The following CACNA1C variants were observed in gnomAD, a reference collection of about 807,000 sequenced individuals.
CACNA1C encodes the protein calcium voltage-gated channel subunit alpha1 C.
CACNA1C carries 30 observed loss-of-function variants against 229.0 expected under a neutral mutation model. That is an observed-to-expected ratio of 0.13 (90% CI 0.10 to 0.18). The LOEUF (loss-of-function observed/expected upper bound fraction) is 0.18, where lower values mean the gene tolerates loss of function less well. Among genes scored for constraint, CACNA1C ranks in the 10% least tolerant of loss-of-function variants. CACNA1C has a pLI of 1.00. For missense variants in CACNA1C, 1,658 were observed against 2,845.0 expected (o/e 0.58, Z 9.49); for synonymous variants, 1,114 against 1,132.5 (o/e 0.98, Z 0.33).
In CACNA1C at chr12:2,608,379, C is replaced by T. The variant is rs1409991963; in HGVS notation, c.3357-132C>T. The T allele has an allele frequency of 6.4e-6, 4 of 623,944 alleles. No individual in the cohort carries two copies. Among genetic ancestry groups the T allele is most frequent in the East Asian group, 2.8e-5 (1 of 36,304 alleles). 38.7% of individuals were successfully genotyped at this position (623,944 alleles called of 1,614,324 possible). ...CAAGGTCACACAGCCAGTAAGAGGC[C>T]GAGCTGGGACTCCAGCCCAGAGCTG... On this transcript the variant is annotated intron_variant, in intron 26 of 46. Transcript: ENST00000399655. This position sits in a 1 kb window ranked among gnomAD's most constrained non-coding sequence, Gnocchi z 4.2.
At chr12:2,005,039 A>G (rs1362124698) in intron 1 of CACNA1C, among the ~76,000 whole-genome samples, 1 of 152,056 alleles carries the variant, frequency 6.6e-6, no homozygotes, top group Non-Finnish European at 1.5e-5. Context: ...CGTTTTGCAG[A>G]CAATGGTGGT....
intron 22 of CACNA1C, among the ~76,000 whole-genome samples, chr12:2,604,330 C>T (rs774232105): frequency 2.0e-5 from 3 of 152,056 alleles, no homozygotes; most frequent in East Asian, 3.9e-4. Context: ...CTTCTAAGGC[C>T]GTCGTTTCGG....
rs1341080033 is a variant in CACNA1C, at chr12:2,666,375, G to A, written c.4527-311G>A. On this transcript the variant is annotated intron_variant, in intron 36 of 46. Transcript: ENST00000399655. This position sits in a 1 kb window ranked among gnomAD's most constrained non-coding sequence, Gnocchi z 5.3. ...GCTGACCCTCAGTAAATACCTTTTG[G>A]TCAGAAGGTTAGTTCATTCAATCAG... 1.3e-5 allele frequency among the ~76,000 whole-genome samples: 2 copies of A among 152,136 alleles called. No individual in the cohort carries two copies. The highest frequency in any genetic ancestry group is 2.1e-4 in the South Asian group (1 of 4,826).
intron 3 of CACNA1C, among the ~76,000 whole-genome samples, chr12:2,210,334 G>A (rs752407663): frequency 9.2e-5 from 14 of 152,350 alleles, no homozygotes; most frequent in South Asian, 2.1e-4. Flanking sequence ...AGTTGAGGAA[G>A]GGGTAGGCTG....
intron 1 of CACNA1C, among the ~76,000 whole-genome samples, chr12:2,101,630 G>T (rs538287611): frequency 2.0e-5 from 3 of 152,168 alleles, no homozygotes; most frequent in African/African-American, 4.8e-5. Context: ...GACCCACGAG[G>T]CTGGGTGTTC....
chr12:2,244,768 G>A (rs978664683), intron 3 of CACNA1C, among the ~76,000 whole-genome samples: 3 of 152,198 alleles, frequency 2.0e-5, no homozygotes, highest in African/African-American at 7.2e-5. Flanking sequence ...ATTGGTTAAT[G>A]CTGATAAAGC....
chr12:2,430,457 A>G (rs909946630), intron 3 of CACNA1C, among the ~76,000 whole-genome samples: 2 of 152,146 alleles, frequency 1.3e-5, no homozygotes, highest in South Asian at 2.1e-4. Context: ...ATGGTCCAGT[A>G]TATTCTTTTA....
At chr12:1,984,519 T>G (rs1473607404) in intron 1 of CACNA1C, among the ~76,000 whole-genome samples, 1 of 152,122 alleles carries the variant, frequency 6.6e-6, no homozygotes, top group African/African-American at 2.4e-5. Flanking sequence ...TTACCCTCTC[T>G]TTTTATGTTA....
At chr12:2,291,687 T>C (rs1212024906) in intron 3 of CACNA1C, among the ~76,000 whole-genome samples, 1 of 152,192 alleles carries the variant, frequency 6.6e-6, no homozygotes, top group Non-Finnish European at 1.5e-5. Context: ...TGGAAGTGCC[T>C]GTTCTGGGTA....
At chr12:2,204,325 T>G (rs978597827) in intron 3 of CACNA1C, among the ~76,000 whole-genome samples, 2 of 152,150 alleles carry the variant, frequency 1.3e-5, no homozygotes, top group Non-Finnish European at 2.9e-5. Context: ...TAAATTTGTT[T>G]GAGTTCATTG....
chr12:2,076,096 G>A (rs2063085227), intron 1 of CACNA1C, among the ~76,000 whole-genome samples: 1 of 152,100 alleles, frequency 6.6e-6, no homozygotes, highest in South Asian at 2.1e-4. Context: ...TGGAATTGTC[G>A]CTGTCTGCAC....
chr12:2,578,811 G>A (rs1474609309), intron 13 of CACNA1C, among the ~76,000 whole-genome samples: 1 of 152,172 alleles, frequency 6.6e-6, no homozygotes, highest in Non-Finnish European at 1.5e-5. Flanking sequence ...GGGAGGCAGG[G>A]GCGGCAGGGA....
chr12:2,247,426 T>A (rs1393849548), intron 3 of CACNA1C, among the ~76,000 whole-genome samples: 1 of 152,228 alleles, frequency 6.6e-6, no homozygotes, highest in Non-Finnish European at 1.5e-5. Flanking sequence ...AAATGAGATA[T>A]AACCTTCGTG....
intron 3 of CACNA1C, among the ~76,000 whole-genome samples, chr12:2,441,943 A>C (rs2099232257): frequency 6.6e-6 from 1 of 152,140 alleles, no homozygotes. Flanking sequence ...TCTTGCCTGC[A>C]CCTGTCCCGA....
At chr12:2,015,289 A>G (rs1593709893) in intron 1 of CACNA1C, among the ~76,000 whole-genome samples, 1 of 152,234 alleles carries the variant, frequency 6.6e-6, no homozygotes, top group East Asian at 1.9e-4. Context: ...TACTTGCTGT[A>G]CAGCATCTAA....
At chr12:2,333,595 G>C (rs761567046) in intron 3 of CACNA1C, among the ~76,000 whole-genome samples, 1 of 152,204 alleles carries the variant, frequency 6.6e-6, no homozygotes, top group Non-Finnish European at 1.5e-5. Flanking sequence ...AGTGGATGCA[G>C]CCTTGTTAGG....
At chr12:2,456,964 GGC>G (rs2099430118) in intron 4 of CACNA1C, among the ~76,000 whole-genome samples, 2 of 152,240 alleles carry the variant, frequency 1.3e-5, no homozygotes, top group African/African-American at 4.8e-5. Context: ...GACCTAAAGT[GGC>G]AGGGCTGAAA....
intron 3 of CACNA1C, among the ~76,000 whole-genome samples, chr12:2,126,554 A>G (rs564231105): frequency 2.0e-3 from 303 of 152,336 alleles, no homozygotes; most frequent in African/African-American, 6.9e-3. Context: ...AGAACAGTGC[A>G]TGTACTTTCT....
chr12:2,098,023 T>C (rs981193243), intron 1 of CACNA1C, among the ~76,000 whole-genome samples: 3 of 152,134 alleles, frequency 2.0e-5, no homozygotes, highest in African/African-American at 7.2e-5. Flanking sequence ...ATGGAAGAGA[T>C]TGAGAGCCAG....
Sources: gnomAD v4.1 joint callset for allele counts (sites outside exome capture counted in the v4.1 genomes callset) on GRCh38, gnomAD v4.1.1 for gene constraint, Gnocchi (gnomAD v3.1) non-coding constraint, MANE v1.5 for transcripts, NCBI Gene and HGNC (gene_info 2026-07-23, HGNC 2026-07-21) for gene names.